Variants in CPNE8 observed in about 807,000 individuals in gnomAD.
The protein encoded by CPNE8 is copine 8.
A neutral mutation model predicts 81.5 loss-of-function variants in CPNE8; 45 were observed. That is an observed-to-expected ratio of 0.55 (90% CI 0.44 to 0.71). The LOEUF is 0.71. Ranked by LOEUF, CPNE8 falls within the 30% of genes least tolerant of loss-of-function variation. CPNE8 has a pLI of 0.00. For missense variants in CPNE8, 594 were observed against 672.1 expected (o/e 0.88, Z 1.28); for synonymous variants, 252 against 226.3 (o/e 1.11, Z -1.02).
At chr12:38,710,268 CAAA>C (rs57376063) in intron 13 of CPNE8, among the ~76,000 whole-genome samples, 18 of 50,296 alleles carry the variant, frequency 3.6e-4, no homozygotes, top group East Asian at 6.5e-4. Flanking sequence ...AATAAGCTAA[CAAA>C]AAAAAAAAAA....
At chr12:38,809,252 C>T (rs1009805411) in intron 6 of CPNE8, among the ~76,000 whole-genome samples, 1 of 152,166 alleles carries the variant, frequency 6.6e-6, no homozygotes, top group African/African-American at 2.4e-5. Context: ...AGCTTGTGTT[C>T]TTATCTGGAG....
intron 5 of CPNE8, among the ~76,000 whole-genome samples, chr12:38,833,342 A>T (rs1412517641): frequency 7.3e-6 from 1 of 136,140 alleles, no homozygotes. Context: ...ACAGAGTGAG[A>T]CCTTATCTCA....
chr12:38,731,234 AAACATAAGGGATGT>A (rs1427272268), intron 10 of CPNE8, among the ~76,000 whole-genome samples: 1 of 151,922 alleles, frequency 6.6e-6, no homozygotes. Context: ...GCAATATAAC[AAACATAAGGGATGT>A]CACAGTAGCC....
intron 1 of CPNE8, among the ~76,000 whole-genome samples, chr12:38,898,702 G>T (rs1191949227): frequency 6.6e-6 from 1 of 152,150 alleles, no homozygotes. Flanking sequence ...GTGGACTAAG[G>T]TAGAGCCTCC....
chr12:38,758,909 C>T lies in CPNE8; in HGVS notation c.722+1938G>A, dbSNP rs886917258. 2.0e-5 allele frequency among the ~76,000 whole-genome samples: 3 copies of T among 152,112 alleles called. No individual in the cohort carries two copies. In the South Asian group the frequency reaches 6.2e-4, roughly 32 times the overall value. ...CATTTGAAGGAAGACAATACAATAT[C>T]TATAATTTCAGCAAATTTAGGATTG... On this transcript the variant is annotated intron_variant, in intron 10 of 19. Transcript: ENST00000331366.
At chr12:38,768,686 A>T (rs954763443) in intron 7 of CPNE8, among the ~76,000 whole-genome samples, 1 of 147,936 alleles carries the variant, frequency 6.8e-6, no homozygotes, top group Non-Finnish European at 1.5e-5. Flanking sequence ...CGCCCGGCTA[A>T]TTTTTTTGTA....
intron 1 of CPNE8, among the ~76,000 whole-genome samples, chr12:38,892,899 G>A (rs1047500616): frequency 6.6e-6 from 1 of 152,024 alleles, no homozygotes; most frequent in African/African-American, 2.4e-5. Context: ...GAAAAAACTA[G>A]AACAGCAACA....
chr12:38,762,361 T>C (rs1349716670), intron 8 of CPNE8, 145 bp from the exon 9 acceptor site: 3 of 414,710 alleles, frequency 7.2e-6, no homozygotes, highest in Non-Finnish European at 1.3e-5. Flanking sequence ...AAGAGATACG[T>C]GATTTTAAAA....
intron 13 of CPNE8, among the ~76,000 whole-genome samples, chr12:38,707,181 G>T (rs1192627239): frequency 3.3e-5 from 5 of 152,026 alleles, no homozygotes; most frequent in African/African-American, 4.8e-5. Context: ...AGGTTGGGTG[G>T]TGTACACTTG....
Position 38,839,969 on chromosome 12 carries a change from A to G in CPNE8, c.291-14T>C, listed in dbSNP as rs3803020. 722,822 of 1,563,980 alleles carry G rather than the reference A, an allele frequency of 0.46. 175,321 individuals carry two copies. The highest frequency in any genetic ancestry group is 0.5 in the Non-Finnish European group (574,443 of 1,148,126). ...TCAACATCATACCTAAAAGATTGAA[A>G]TATAAAACTCAAATTATTTCCACAA... is the stretch of plus-strand genomic sequence containing the variant. On this transcript the variant is annotated splice_polypyrimidine_tract_variant and intron_variant, in intron 4 of 19. Transcript: ENST00000331366.
chr12:38,770,661 G>A (rs1317258779), intron 7 of CPNE8, among the ~76,000 whole-genome samples: 4 of 152,096 alleles, frequency 2.6e-5, no homozygotes, highest in Non-Finnish European at 4.4e-5. Flanking sequence ...ACCTTCAACT[G>A]GCAATGTTTT....
chr12:38,886,142 C>T (rs1047642625), intron 1 of CPNE8, among the ~76,000 whole-genome samples: 1 of 152,182 alleles, frequency 6.6e-6, no homozygotes, highest in Non-Finnish European at 1.5e-5. Context: ...GCCAGCTTTT[C>T]CCCACTTCAG....
At chr12:38,758,147 ACTCTCT>A (rs34541514) in intron 10 of CPNE8, among the ~76,000 whole-genome samples, 14 of 149,214 alleles carry the variant, frequency 9.4e-5, no homozygotes, top group Admixed American at 4.7e-4. Context: ...CTGTGAACAA[ACTCTCT>A]CTCTCTCTCT....
At chr12:38,670,692 C>A in intron 19 of CPNE8, 37 bp downstream of exon 19, 1 of 1,395,520 alleles carries the variant, frequency 7.2e-7, no homozygotes, top group Non-Finnish European at 1.0e-6. Context: ...ATGATATTTT[C>A]TAGCAATAGT....
chr12:38,806,749 C>T (rs1229448437), intron 6 of CPNE8, among the ~76,000 whole-genome samples: 1 of 144,854 alleles, frequency 6.9e-6, no homozygotes, highest in Non-Finnish European at 1.5e-5. Context: ...GAAGTTCTGG[C>T]CAGGGCAATT....
chr12:38,885,513 G>A (rs934162127), intron 1 of CPNE8, among the ~76,000 whole-genome samples: 3 of 152,168 alleles, frequency 2.0e-5, no homozygotes, highest in Non-Finnish European at 4.4e-5. Context: ...GAAATTTACG[G>A]TGAAAATACA....
At position 38,762,372 on chromosome 12, in the gene CPNE8, C is replaced by A. The variant is rs142180488; in HGVS notation, c.576-156G>T. Among the ~76,000 whole-genome samples the A allele has an allele frequency of 4.9e-3, 751 of 152,268 alleles. 5 individuals are homozygous for A. The highest frequency in any genetic ancestry group is 0.017 in the African/African-American group (699 of 41,544). On this transcript the variant is annotated intron_variant, in intron 8 of 19. Coordinates refer to ENST00000331366, the MANE Select transcript of CPNE8 (RefSeq NM_153634.3). The stretch of plus-strand genomic sequence containing the variant: ...TGGAAAGAGATACGTGATTTTAAAA[C>A]CTGAAAGATCACCTCACCATAACCT...
At chr12:38,797,270 C>A (rs999872236) in intron 6 of CPNE8, among the ~76,000 whole-genome samples, 9 of 152,280 alleles carry the variant, frequency 5.9e-5, no homozygotes, top group African/African-American at 2.2e-4. Flanking sequence ...ACCCCTGACC[C>A]CCGAGCAGCC....
intron 17 of CPNE8, among the ~76,000 whole-genome samples, chr12:38,676,799 C>T (rs1030489588): frequency 7.2e-5 from 11 of 152,118 alleles, no homozygotes; most frequent in Non-Finnish European, 1.2e-4. Context: ...CTGATTATTC[C>T]TCAGGGCATC....
Sources: gnomAD v4.1 joint callset for allele counts (sites outside exome capture counted in the v4.1 genomes callset) on GRCh38, gnomAD v4.1.1 for gene constraint, MANE v1.5 for transcripts, NCBI Gene and HGNC (gene_info 2026-07-23, HGNC 2026-07-21) for gene names.